The following SLC44A5 variants were observed in gnomAD, a reference collection of about 807,000 sequenced individuals.
SLC44A5 encodes the protein choline transporter-like protein 5.
A neutral mutation model predicts 101.8 loss-of-function variants in SLC44A5; 57 were observed. The ratio of observed to expected loss-of-function variants is 0.56; its 90% CI spans 0.45 to 0.70. SLC44A5 has a LOEUF of 0.70. SLC44A5 is among the 30% of genes least tolerant of loss of function. SLC44A5 has a pLI of 0.00. For synonymous variants in SLC44A5, 281 were observed against 290.9 expected, an observed-to-expected ratio of 0.97 and a Z score of 0.35; for missense variants, 737 against 853.1, an observed-to-expected ratio of 0.86 and a Z score of 1.70.
At chr1:75,331,724 C>T (rs1029221066) in intron 4 of SLC44A5, among the ~76,000 whole-genome samples, 13 of 152,250 alleles carry the variant, frequency 8.5e-5, no homozygotes, top group South Asian at 4.1e-4. Flanking sequence ...ACCTAAGTCC[C>T]GCTCCCATCC....
At chr1:75,330,646 A>G (rs1287102639) in intron 4 of SLC44A5, among the ~76,000 whole-genome samples, 1 of 151,910 alleles carries the variant, frequency 6.6e-6, no homozygotes, top group African/African-American at 2.4e-5. Context: ...AGTGTCTCCC[A>G]TCTTCAGAAA....
intron 2 of SLC44A5, among the ~76,000 whole-genome samples, chr1:75,427,729 T>A (rs1664392755): frequency 1.3e-5 from 2 of 152,196 alleles, no homozygotes; most frequent in African/African-American, 2.4e-5. Context: ...AAAATGAGAA[T>A]AATAAAAATG....
the SLC44A5 span, among the ~76,000 whole-genome samples, chr1:75,620,817 A>G: frequency 1.3e-5 from 2 of 152,206 alleles, no homozygotes; most frequent in East Asian, 3.8e-4. Context: ...TTTGCTGTGC[A>G]GAAGCCCTTT....
rs1219287776 is a variant in SLC44A5 at position 75,549,250 on chromosome 1, C to T, written c.-69-7734G>A. On this transcript the variant is annotated intron_variant, in intron 1 of 23. Coordinates refer to ENST00000370859, the MANE Select transcript of SLC44A5 (RefSeq NM_001130058.2). ...GTTCTTGAGTTCCAGTCTTGGATAGCTGCCTAGTAAAATACTAAGGCTAGG... is the reference window on the plus strand; with the variant it reads ...GTTCTTGAGTTCCAGTCTTGGATAGTTGCCTAGTAAAATACTAAGGCTAGG... Among the ~76,000 whole-genome samples, 3 of 152,144 alleles carry T rather than the reference C, an allele frequency of 2.0e-5. No individual in the cohort carries two copies. The East Asian group carries it at 5.8e-4, about 29-fold the overall frequency.
At position 75,396,622 on chromosome 1, in the gene SLC44A5, C is replaced by T; in HGVS notation, c.14-1G>A. On this transcript the variant is annotated splice_acceptor_variant, in intron 2 of 23. Transcript: ENST00000370859. LOFTEE classifies it high-confidence loss of function. ...TCAGAGGGAGTATCTGCTGGTTTTT[C>T]TAGGAAAAAGCACAAAAGGCAAAAA... The T allele has an allele frequency of 6.2e-7, 1 of 1,612,640 alleles. No individual in the cohort carries two copies. The highest frequency in any genetic ancestry group is 8.5e-7 in the Non-Finnish European group (1 of 1,179,174).
chr1:75,591,541 T>A (rs908618251), intron 1 of SLC44A5, among the ~76,000 whole-genome samples: 6 of 152,086 alleles, frequency 3.9e-5, no homozygotes, highest in Admixed American at 2.0e-4. Flanking sequence ...TTTTTTTGGT[T>A]TTGGTATTAT....
intron 4 of SLC44A5, among the ~76,000 whole-genome samples, chr1:75,337,302 G>T (rs568893672): frequency 6.6e-6 from 1 of 152,258 alleles, no homozygotes; most frequent in African/African-American, 2.4e-5. Context: ...TCAAAAATAA[G>T]TGGGCTTATC....
chr1:75,387,871 C>A (rs1237188304), intron 3 of SLC44A5, among the ~76,000 whole-genome samples: 3 of 140,206 alleles, frequency 2.1e-5, no homozygotes, highest in Non-Finnish European at 3.1e-5. Context: ...CCATGGAATA[C>A]TATGCAGCCA....
At chr1:75,384,205 A>C (rs1208514329) in intron 3 of SLC44A5, among the ~76,000 whole-genome samples, 1 of 152,202 alleles carries the variant, frequency 6.6e-6, no homozygotes, top group African/African-American at 2.4e-5. Context: ...CACACATAAC[A>C]ATATTAACTT....
intron 4 of SLC44A5, among the ~76,000 whole-genome samples, chr1:75,315,474 A>T (rs1376179177): frequency 6.6e-6 from 1 of 151,820 alleles, no homozygotes; most frequent in Non-Finnish European, 1.5e-5. Flanking sequence ...AATTATTAGC[A>T]CTCCATCCTT....
intron 2 of SLC44A5, among the ~76,000 whole-genome samples, chr1:75,460,752 C>T (rs951376212): frequency 6.6e-6 from 1 of 152,056 alleles, no homozygotes; most frequent in Non-Finnish European, 1.5e-5. Context: ...ATTTTTATTG[C>T]CAATATTCTC....
the SLC44A5 span, among the ~76,000 whole-genome samples, chr1:75,708,144 G>A: frequency 6.6e-6 from 1 of 151,846 alleles, no homozygotes; most frequent in African/African-American, 2.4e-5. Flanking sequence ...TGGGTGCGGT[G>A]GCTCACACCT....
At chr1:75,551,626 C>T (rs1557899538) in intron 1 of SLC44A5, among the ~76,000 whole-genome samples, 1 of 151,944 alleles carries the variant, frequency 6.6e-6, no homozygotes, top group Non-Finnish European at 1.5e-5. Flanking sequence ...GTCTGTTAAC[C>T]TCTAGGTGTC....
the SLC44A5 span, among the ~76,000 whole-genome samples, chr1:75,622,932 A>G: frequency 3.3e-5 from 5 of 152,270 alleles, no homozygotes; most frequent in Middle Eastern, 3.4e-3. Flanking sequence ...CAAATGGCAT[A>G]CCAATTAACT....
chr1:75,264,330 G>A (rs79689913), intron 6 of SLC44A5, among the ~76,000 whole-genome samples: 8,721 of 152,168 alleles, frequency 0.057, 273 homozygotes, highest in Middle Eastern at 0.13. Context: ...TGATCCCCAT[G>A]TGCCCAGTGG....
At chr1:75,634,979 C>G in the SLC44A5 span, among the ~76,000 whole-genome samples, 1 of 151,574 alleles carries the variant, frequency 6.6e-6, no homozygotes, top group Non-Finnish European at 1.5e-5. Context: ...ACAAACAACC[C>G]CATCAAAAAG....
intron 3 of SLC44A5, among the ~76,000 whole-genome samples, chr1:75,392,373 T>C (rs1296244043): frequency 1.3e-5 from 2 of 152,018 alleles, no homozygotes; most frequent in Admixed American, 6.5e-5. Flanking sequence ...AAAGAAGATA[T>C]ACAAGTGGCC....
chr1:75,678,054 A>C, the SLC44A5 span, among the ~76,000 whole-genome samples: 24 of 152,208 alleles, frequency 1.6e-4, no homozygotes, highest in Non-Finnish European at 3.1e-4. Context: ...GCTTTTCCAA[A>C]GGGCTTAGAA....
intron 7 of SLC44A5, among the ~76,000 whole-genome samples, chr1:75,249,277 A>C (rs988179632): frequency 5.9e-5 from 9 of 152,156 alleles, no homozygotes. Flanking sequence ...TTACCGGCAC[A>C]TGGAACCAAG....
Sources: gnomAD v4.1 joint callset for allele counts (sites outside exome capture counted in the v4.1 genomes callset) on GRCh38, gnomAD v4.1.1 for gene constraint, MANE v1.5 for transcripts, NCBI Gene and HGNC (gene_info 2026-07-23, HGNC 2026-07-21) for gene names.